Variants in PTPRG observed in about 807,000 individuals in gnomAD.
The protein encoded by PTPRG is protein tyrosine phosphatase receptor type G, also known as receptor-type tyrosine-protein phosphatase gamma.
PTPRG carries 102 observed loss-of-function variants against 165.3 expected under a neutral mutation model. The observed-to-expected ratio is 0.62, with a 90% confidence interval of 0.53 to 0.73. The LOEUF (loss-of-function observed/expected upper bound fraction) is 0.73. PTPRG is among the 30% of genes least tolerant of loss of function. The pLI, the probability that PTPRG is intolerant of heterozygous loss-of-function variation, is 0.00. For missense variants in PTPRG, 1,866 were observed against 1,861.4 expected, an observed-to-expected ratio of 1.00 and a Z score of -0.05; for synonymous variants, 675 against 669.5, an observed-to-expected ratio of 1.01 and a Z score of -0.13.
intron 1 of PTPRG, among the ~76,000 whole-genome samples, chr3:61,654,487 C>G (rs1195317295): frequency 6.6e-6 from 1 of 151,690 alleles, no homozygotes; most frequent in Non-Finnish European, 1.5e-5. Context: ...CAGGCTCAAG[C>G]AATTCTCATA....
chr3:62,096,043 A>G (rs1020262196), intron 5 of PTPRG, among the ~76,000 whole-genome samples: 12 of 152,184 alleles, frequency 7.9e-5, no homozygotes, highest in Non-Finnish European at 7.3e-5. Flanking sequence ...CTTGGTTGGC[A>G]TTTTGAGCAG....
At chr3:62,291,452 T>C (rs115950624) in intron 28 of PTPRG, among the ~76,000 whole-genome samples, 1,606 of 152,144 alleles carry the variant, frequency 0.011, 26 homozygotes, top group African/African-American at 0.035. Flanking sequence ...AACTGAAATG[T>C]AGTGATACAC....
At chr3:61,769,132 G>T (rs2034127804) in intron 2 of PTPRG, among the ~76,000 whole-genome samples, 1 of 152,094 alleles carries the variant, frequency 6.6e-6, no homozygotes, top group Non-Finnish European at 1.5e-5. Context: ...ATATTTACTA[G>T]AAACAATGAC....
chr3:61,788,289 C>G (rs1431182386), intron 2 of PTPRG, among the ~76,000 whole-genome samples: 1 of 152,114 alleles, frequency 6.6e-6, no homozygotes, highest in Non-Finnish European at 1.5e-5. Flanking sequence ...CACTTCTCAA[C>G]CAGAGTACAC....
chr3:61,885,787 G>A (rs2038020026), intron 2 of PTPRG, among the ~76,000 whole-genome samples: 2 of 142,310 alleles, frequency 1.4e-5, no homozygotes, highest in Non-Finnish European at 3.0e-5. Context: ...GGACTCAAGT[G>A]CAGTTCCCGC....
chr3:61,886,912 CTT>C (rs780604752), intron 2 of PTPRG, among the ~76,000 whole-genome samples: 6 of 138,462 alleles, frequency 4.3e-5, no homozygotes, highest in Admixed American at 7.3e-5. Context: ...GAGGACTGGA[CTT>C]TTTTTTTTTT....
chr3:62,137,715 A>T (rs748691450), intron 6 of PTPRG, among the ~76,000 whole-genome samples: 5 of 151,988 alleles, frequency 3.3e-5, no homozygotes, highest in Admixed American at 2.0e-4. Context: ...TCTCAGTCCA[A>T]CCACTGAGCT....
chr3:61,998,131 A>G (rs1370410674), intron 3 of PTPRG, among the ~76,000 whole-genome samples: 5 of 152,230 alleles, frequency 3.3e-5, no homozygotes, highest in Admixed American at 2.0e-4. Flanking sequence ...AATTTAATTT[A>G]TAAACAGTTG....
chr3:62,204,102 A>C, intron 12 of PTPRG, 152 bp downstream of exon 12: 9 of 1,311,230 alleles, frequency 6.9e-6, no homozygotes, highest in Non-Finnish European at 8.0e-6. Flanking sequence ...ACACATGTGA[A>C]ATGTGTATGT....
chr3:61,751,268 C>T (rs1158339290), intron 2 of PTPRG, among the ~76,000 whole-genome samples: 3 of 152,176 alleles, frequency 2.0e-5, no homozygotes, highest in Non-Finnish European at 4.4e-5. Flanking sequence ...TTGGGTACAT[C>T]AGACCAGCAC....
At chr3:61,562,460 C>G (rs573053022) in intron 1 of PTPRG, 88 bp downstream of exon 1, 33 of 1,284,080 alleles carry the variant, frequency 2.6e-5, no homozygotes, top group Admixed American at 5.2e-5. Flanking sequence ...CTCCGGCGCC[C>G]GTCCGGGAGA....
intron 4 of PTPRG, among the ~76,000 whole-genome samples, chr3:62,021,297 G>C (rs539613783): frequency 3.3e-5 from 5 of 152,260 alleles, no homozygotes; most frequent in African/African-American, 1.2e-4. Flanking sequence ...CAGCTACTTA[G>C]ATCATATATC....
intron 3 of PTPRG, among the ~76,000 whole-genome samples, chr3:61,991,675 C>CGA: frequency 6.6e-6 from 1 of 152,278 alleles, no homozygotes; most frequent in East Asian, 1.9e-4. Context: ...ATGTAGTGGG[C>CGA]GAGAGCTTTG....
Position 62,218,883 on chromosome 3 carries a change from C to G in PTPRG, c.2188C>G (p.Pro730Ala). The change falls in exon 13 of 30, where the codon CCT (proline) becomes GCT (alanine). Residue 730 changes from proline to alanine, a missense_variant. Pro to Ala is a conservative substitution (Grantham distance 27, BLOSUM62 -1). Transcript: ENST00000474889. ...EKNTSGMISR[P>A]APGRMEWIIP... Reference sequence around the variant, plus strand: ...AAACACCTCTGGAATGATAAGCCGCCCTGCTCCAGGGAGGATGGAGTGGAT... The same window carrying G: ...AAACACCTCTGGAATGATAAGCCGCGCTGCTCCAGGGAGGATGGAGTGGAT... 1 of 1,613,996 alleles carries G rather than the reference C, an allele frequency of 6.2e-7. No homozygotes were observed. Among genetic ancestry groups the G allele is most frequent in the Non-Finnish European group, 8.5e-7 (1 of 1,179,922 alleles).
chr3:61,660,925 C>G (rs1253960791), intron 1 of PTPRG, among the ~76,000 whole-genome samples: 1 of 152,108 alleles, frequency 6.6e-6, no homozygotes, highest in African/African-American at 2.4e-5. Context: ...TCGCTTGAAC[C>G]TGGGAGGCGG....
At position 62,195,138 on chromosome 3, in the gene PTPRG, G is replaced by T. The variant is rs890069022; in HGVS notation, c.1295G>T (p.Arg432Leu). The T allele has an allele frequency of 2.5e-6, 4 of 1,614,168 alleles. No homozygotes were observed. Among genetic ancestry groups the T allele is most frequent in the Admixed American group, 1.7e-5 (1 of 60,032 alleles). ...RVQAVCRNDMRSDFSQTMLFQ... is the reference protein window; with the variant it reads ...RVQAVCRNDMLSDFSQTMLFQ... ...CAGGCCGTGTGTCGGAACGACATGC[G>T]CAGCGACTTTAGCCAGACGATGCTG... The change falls in exon 10 of 30, where the codon CGC becomes CTC. Residue 432 changes from arginine (R) to leucine (L), a missense_variant. By Grantham distance (102) the Arg-to-Leu change is moderately radical. Coordinates refer to ENST00000474889, the MANE Select transcript of PTPRG (RefSeq NM_002841.4). This position sits in a 1 kb window ranked among gnomAD's most constrained non-coding sequence, Gnocchi z 4.4.
chr3:62,027,658 C>T (rs970528253), intron 4 of PTPRG, among the ~76,000 whole-genome samples: 2 of 152,214 alleles, frequency 1.3e-5, no homozygotes, highest in African/African-American at 4.8e-5. Context: ...TACCTGTAGG[C>T]TAGCTTAATC....
At chr3:61,889,398 G>A (rs2107494800) in intron 2 of PTPRG, among the ~76,000 whole-genome samples, 1 of 152,294 alleles carries the variant, frequency 6.6e-6, no homozygotes, top group South Asian at 2.1e-4. Flanking sequence ...GATTTGGCGA[G>A]TGTGCTCTCT....
intron 4 of PTPRG, among the ~76,000 whole-genome samples, chr3:62,012,780 T>C (rs1186112202): frequency 6.6e-6 from 1 of 152,104 alleles, no homozygotes; most frequent in Non-Finnish European, 1.5e-5. Context: ...TCAATCTGTA[T>C]CGTAGGAAAG....
Sources: gnomAD v4.1 joint callset for allele counts (sites outside exome capture counted in the v4.1 genomes callset) on GRCh38, gnomAD v4.1.1 for gene constraint, Gnocchi (gnomAD v3.1) non-coding constraint, MANE v1.5 for transcripts, NCBI Gene and HGNC (gene_info 2026-07-23, HGNC 2026-07-21) for gene names.